EPM2A: variants seen among roughly 807,000 people sequenced by gnomAD.
EPM2A encodes the protein EPM2A glucan phosphatase, laforin.
A neutral mutation model predicts 26.5 loss-of-function variants in EPM2A; 21 were observed. The observed-to-expected ratio is 0.79, with a 90% confidence interval of 0.56 to 1.14. The LOEUF is 1.14. Ranked by LOEUF, EPM2A falls within the 50% of genes most tolerant of loss-of-function variation. EPM2A has a pLI of 0.00. For missense variants in EPM2A, 458 were observed against 440.8 expected (o/e 1.04, Z -0.35); for synonymous variants, 217 against 177.6 (o/e 1.22, Z -1.76).
intron 4 of EPM2A, among the ~76,000 whole-genome samples, chr6:145,473,871 A>C (rs1562349375): frequency 6.7e-6 from 1 of 149,450 alleles, no homozygotes; most frequent in Non-Finnish European, 1.5e-5. Context: ...ACAAAAGCTG[A>C]AGGATTTTAT....
intron 4 of EPM2A, among the ~76,000 whole-genome samples, chr6:145,400,250 G>A (rs144037273): frequency 3.9e-5 from 6 of 152,260 alleles, no homozygotes; most frequent in Non-Finnish European, 7.4e-5. Flanking sequence ...AGGCATAAAT[G>A]AGAAATAAAA....
At chr6:145,641,907 T>A (rs1582949496) in intron 2 of EPM2A, among the ~76,000 whole-genome samples, 1 of 152,234 alleles carries the variant, frequency 6.6e-6, no homozygotes, top group South Asian at 2.1e-4. Context: ...TGTGGTATAG[T>A]CCTGGGTCCT....
chr6:145,422,554 C>A (rs1778803210), intron 4 of EPM2A, among the ~76,000 whole-genome samples: 1 of 151,594 alleles, frequency 6.6e-6, no homozygotes, highest in African/African-American at 2.4e-5. Context: ...CACTCTAATC[C>A]ACATAAATTA....
intron 4 of EPM2A, among the ~76,000 whole-genome samples, chr6:145,464,297 C>T (rs1779360062): frequency 6.6e-6 from 1 of 152,134 alleles, no homozygotes; most frequent in African/African-American, 2.4e-5. Flanking sequence ...TTTCTGAGGC[C>T]TCCCCAGCCA....
intron 2 of EPM2A, among the ~76,000 whole-genome samples, chr6:145,532,307 G>A (rs1483915342): frequency 6.6e-6 from 1 of 152,166 alleles, no homozygotes; most frequent in Non-Finnish European, 1.5e-5. Flanking sequence ...AAATCTTCTT[G>A]AAAGGCTGGA....
intron 2 of EPM2A, among the ~76,000 whole-genome samples, chr6:145,580,924 G>A (rs988092194): frequency 6.6e-6 from 1 of 152,066 alleles, no homozygotes; most frequent in Admixed American, 6.6e-5. Context: ...TACCATTGAT[G>A]GTACTTAGTT....
intron 2 of EPM2A, among the ~76,000 whole-genome samples, chr6:145,603,911 T>G (rs977909882): frequency 2.0e-5 from 3 of 152,190 alleles, no homozygotes; most frequent in African/African-American, 7.2e-5. Flanking sequence ...AGATGATCTC[T>G]TAGAATACTT....
At chr6:145,633,060 G>A (rs1776384916) in intron 3 of EPM2A, among the ~76,000 whole-genome samples, 1 of 152,184 alleles carries the variant, frequency 6.6e-6, no homozygotes. Flanking sequence ...CAACTACAAT[G>A]GGTCCTTGGG....
At chr6:145,392,001 C>T (rs1436830694) in intron 4 of EPM2A, among the ~76,000 whole-genome samples, 1 of 151,978 alleles carries the variant, frequency 6.6e-6, no homozygotes, top group Admixed American at 6.6e-5. Context: ...TATGGGGAAC[C>T]TGGGTTCTAA....
chr6:145,655,993 C>T (rs1778251205), intron 2 of EPM2A, among the ~76,000 whole-genome samples: 1 of 152,104 alleles, frequency 6.6e-6, no homozygotes, highest in Non-Finnish European at 1.5e-5. Context: ...AAAGATTCAT[C>T]TAAGACCTAT....
intron 2 of EPM2A, among the ~76,000 whole-genome samples, chr6:145,673,764 C>G (rs1057012612): frequency 3.3e-5 from 5 of 152,204 alleles, no homozygotes; most frequent in South Asian, 2.1e-4. Context: ...AGTAGGTAAA[C>G]AAAGTGGCCA....
At chr6:145,663,231 T>A (rs1252891940) in intron 2 of EPM2A, among the ~76,000 whole-genome samples, 1 of 152,090 alleles carries the variant, frequency 6.6e-6, no homozygotes, top group Non-Finnish European at 1.5e-5. Flanking sequence ...GCAAATACAT[T>A]AAGATTAATA....
At chr6:145,711,335 CA>C (rs1368833134) in intron 1 of EPM2A, among the ~76,000 whole-genome samples, 1 of 152,198 alleles carries the variant, frequency 6.6e-6, no homozygotes, top group Non-Finnish European at 1.5e-5. Flanking sequence ...GCCCAGCCTA[CA>C]AAAGTTCTAC....
At chr6:145,514,833 T>C (rs1780103672) in intron 2 of EPM2A, among the ~76,000 whole-genome samples, 1 of 152,196 alleles carries the variant, frequency 6.6e-6, no homozygotes. Context: ...AATCCTAATA[T>C]AAAGAAATTT....
chr6:145,425,796 T>G (rs939478419), intron 4 of EPM2A, among the ~76,000 whole-genome samples: 2 of 152,182 alleles, frequency 1.3e-5, no homozygotes, highest in Admixed American at 1.3e-4. Flanking sequence ...CACTGTGTGA[T>G]TGCTTCATGT....
chr6:145,691,354 A>T (rs1201130509), intron 1 of EPM2A, among the ~76,000 whole-genome samples: 1 of 152,166 alleles, frequency 6.6e-6, no homozygotes, highest in Non-Finnish European at 1.5e-5. Context: ...GTGCTGTAAA[A>T]AAGAACAACT....
intron 2 of EPM2A, among the ~76,000 whole-genome samples, chr6:145,660,880 T>C (rs1307947637): frequency 6.6e-6 from 1 of 152,184 alleles, no homozygotes; most frequent in Non-Finnish European, 1.5e-5. Flanking sequence ...CTAATCAGCA[T>C]ATTTAGAACA....
At chr6:145,528,133 A>T (rs958880569) in intron 2 of EPM2A, among the ~76,000 whole-genome samples, 2 of 152,184 alleles carry the variant, frequency 1.3e-5, no homozygotes, top group African/African-American at 4.8e-5. Context: ...AAGCTAGCAG[A>T]GGTTGCTTCA....
chr6:145,705,589 G>C (rs553024058), intron 1 of EPM2A: 53 of 456,196 alleles, frequency 1.2e-4, no homozygotes, highest in South Asian at 8.1e-4. Flanking sequence ...GCAGGGGTTT[G>C]ATTATCTCCC....
Sources: gnomAD v4.1 joint callset for allele counts (sites outside exome capture counted in the v4.1 genomes callset) on GRCh38, gnomAD v4.1.1 for gene constraint, MANE v1.5 for transcripts, NCBI Gene and HGNC (gene_info 2026-07-23, HGNC 2026-07-21) for gene names.